The following PARD3B variants were observed in gnomAD, a reference collection of about 807,000 sequenced individuals.
The protein encoded by PARD3B is partitioning defective 3 homolog B.
PARD3B carries 103 observed loss-of-function variants against 130.2 expected under a neutral mutation model. The ratio of observed to expected loss-of-function variants is 0.79; its 90% confidence interval spans 0.67 to 0.93. The LOEUF is 0.93. PARD3B is among the 40% of genes least tolerant of loss of function. The pLI is 0.00. For synonymous variants in PARD3B, 583 were observed against 553.2 expected, an observed-to-expected ratio of 1.05 and a Z score of -0.76; for missense variants, 1,609 against 1,499.2, an observed-to-expected ratio of 1.07 and a Z score of -1.21.
chr2:204,619,189 A>G (rs1254820585), intron 1 of PARD3B, among the ~76,000 whole-genome samples: 1 of 152,150 alleles, frequency 6.6e-6, no homozygotes, highest in Non-Finnish European at 1.5e-5. Flanking sequence ...GAGAATGAAG[A>G]AGGTCAGCTT....
intron 22 of PARD3B, among the ~76,000 whole-genome samples, chr2:205,602,307 C>T (rs766700933): frequency 2.6e-5 from 4 of 152,206 alleles, no homozygotes; most frequent in South Asian, 2.1e-4. Flanking sequence ...TTTGCATTGA[C>T]GTTCATCAGG....
intron 16 of PARD3B, among the ~76,000 whole-genome samples, chr2:205,255,154 C>G (rs111856283): frequency 2.1e-4 from 32 of 151,864 alleles, no homozygotes; most frequent in African/African-American, 7.3e-4. Flanking sequence ...TGAAGACGCA[C>G]CTCCCAGGGA....
chr2:204,748,145 G>A (rs1381202052), intron 2 of PARD3B, among the ~76,000 whole-genome samples: 1 of 152,092 alleles, frequency 6.6e-6, no homozygotes, highest in Non-Finnish European at 1.5e-5. Context: ...TAATATGGTT[G>A]AGTACGGTTG....
At chr2:205,358,728 C>T (rs2044285618) in intron 18 of PARD3B, among the ~76,000 whole-genome samples, 1 of 152,232 alleles carries the variant, frequency 6.6e-6, no homozygotes, top group Non-Finnish European at 1.5e-5. Context: ...TTTCCCACCC[C>T]CGTCTTTTGA....
chr2:205,560,685 G>T (rs2106519811), intron 22 of PARD3B, among the ~76,000 whole-genome samples: 1 of 152,290 alleles, frequency 6.6e-6, no homozygotes, highest in South Asian at 2.1e-4. Flanking sequence ...TTCGCCTCCA[G>T]TCCTTGATGT....
At chr2:204,682,254 T>C (rs2036869066) in intron 1 of PARD3B, among the ~76,000 whole-genome samples, 2 of 152,182 alleles carry the variant, frequency 1.3e-5, no homozygotes, top group African/African-American at 4.8e-5. Flanking sequence ...TATTAAGTTA[T>C]TTAATAACAA....
At chr2:204,853,062 A>C in intron 2 of PARD3B, among the ~76,000 whole-genome samples, 1 of 152,266 alleles carries the variant, frequency 6.6e-6, no homozygotes, top group Non-Finnish European at 1.5e-5. Flanking sequence ...TTTGATAGAA[A>C]GTGTTTCTGT....
At chr2:205,247,655 G>A (rs1053617435) in intron 16 of PARD3B, among the ~76,000 whole-genome samples, 10 of 151,992 alleles carry the variant, frequency 6.6e-5, no homozygotes, top group African/African-American at 2.2e-4. Context: ...CTATTATAAC[G>A]TTATTACTAC....
At chr2:204,780,330 GTTA>G in intron 2 of PARD3B, among the ~76,000 whole-genome samples, 1 of 152,064 alleles carries the variant, frequency 6.6e-6, no homozygotes, top group Non-Finnish European at 1.5e-5. Flanking sequence ...AACAGTACTA[GTTA>G]TTATCTAAAA....
intron 1 of PARD3B, among the ~76,000 whole-genome samples, chr2:204,568,728 A>T (rs574179599): frequency 1.3e-5 from 2 of 152,146 alleles, no homozygotes; most frequent in African/African-American, 4.8e-5. Context: ...GCCCAGGTGG[A>T]TGGATCACTT....
In PARD3B at chr2:205,258,663, T is replaced by A. The variant is rs972243933; in HGVS notation, c.2185+12841T>A. On this transcript the variant is annotated intron_variant, in intron 16 of 22. Transcript: ENST00000406610. The surrounding 1 kb of genome is among the most constrained non-coding windows in gnomAD (Gnocchi z 4.9). Reference sequence around the variant, plus strand: ...CCTTTACGTAGTACTTGCTAAATCTTTTTTCTTGATACGTCTTTTTGCATA... The same window carrying A: ...CCTTTACGTAGTACTTGCTAAATCTATTTTCTTGATACGTCTTTTTGCATA... Among the ~76,000 whole-genome samples the A allele has an allele frequency of 6.6e-6, 1 of 152,174 alleles. No individual in the cohort carries two copies. The highest frequency in any genetic ancestry group is 2.4e-5 in the African/African-American group (1 of 41,436).
chr2:205,542,062 G>A (rs1459745637), intron 21 of PARD3B, among the ~76,000 whole-genome samples: 11 of 140,112 alleles, frequency 7.9e-5, no homozygotes, highest in African/African-American at 2.7e-4. Flanking sequence ...AGAATAGCTT[G>A]AACCCAGGAG....
At chr2:204,592,842 C>T (rs188861713) in intron 1 of PARD3B, among the ~76,000 whole-genome samples, 4 of 152,232 alleles carry the variant, frequency 2.6e-5, no homozygotes, top group Admixed American at 1.3e-4. Flanking sequence ...ATGAAGTTGC[C>T]CACTCTGGAC....
In PARD3B at chr2:205,525,984, G is replaced by A. The variant is rs184579022; in HGVS notation, c.3180+25953G>A. Among the ~76,000 whole-genome samples, 17 of 152,282 alleles carry A rather than the reference G, an allele frequency of 1.1e-4. No individual in the cohort carries two copies. The East Asian group carries it at 3.1e-3, about 28-fold the overall frequency. ...CTGCCCTTGCTTCTCGCAGGGTCTGGGGCTCCATGTCCTTATCAGTATCAG... is the reference window on the plus strand; with the variant it reads ...CTGCCCTTGCTTCTCGCAGGGTCTGAGGCTCCATGTCCTTATCAGTATCAG... On this transcript the variant is annotated intron_variant, in intron 21 of 22. Transcript: ENST00000406610. This position sits in a 1 kb window ranked among gnomAD's most constrained non-coding sequence, Gnocchi z 4.2.
Position 205,528,791 on chromosome 2 carries a change from A to G in PARD3B, c.3181-24533A>G, listed in dbSNP as rs138795466. On this transcript the variant is annotated intron_variant, in intron 21 of 22. Coordinates refer to ENST00000406610, the MANE Select transcript of PARD3B (RefSeq NM_001302769.2). ...AGGCGTGAGCCACCGTGCCTGGCCAACACAATCTTAAATACTCAACAAGCT... is the reference window on the plus strand; with the variant it reads ...AGGCGTGAGCCACCGTGCCTGGCCAGCACAATCTTAAATACTCAACAAGCT... Among the ~76,000 whole-genome samples the G allele has an allele frequency of 2.6e-5, 4 of 152,256 alleles. No individual in the cohort carries two copies. In the East Asian group the frequency reaches 5.8e-4, roughly 22 times the overall value.
At chr2:204,690,953 C>T (rs1055614233) in intron 2 of PARD3B, among the ~76,000 whole-genome samples, 5 of 152,156 alleles carry the variant, frequency 3.3e-5, no homozygotes, top group Non-Finnish European at 7.4e-5. Context: ...TGAGCCTTCA[C>T]TCTTTGAGAC....
At chr2:205,403,873 C>T (rs577849024) in intron 19 of PARD3B, among the ~76,000 whole-genome samples, 1 of 152,288 alleles carries the variant, frequency 6.6e-6, no homozygotes, top group South Asian at 2.1e-4. Flanking sequence ...CCTTGTTCTT[C>T]ATGTACCTTC....
chr2:204,997,770 A>G (rs1694353209), intron 3 of PARD3B, among the ~76,000 whole-genome samples: 1 of 151,546 alleles, frequency 6.6e-6, no homozygotes. Context: ...GTGATAGCTG[A>G]TTTTGTTCAT....
intron 15 of PARD3B, among the ~76,000 whole-genome samples, chr2:205,217,725 TACATATAC>T (rs1454745008): frequency 1.3e-5 from 2 of 150,464 alleles, no homozygotes; most frequent in East Asian, 3.9e-4. Flanking sequence ...TATACACACA[TACATATAC>T]ACATATATGT....
Sources: allele counts gnomAD v4.1 joint callset (sites outside exome capture counted in the v4.1 genomes callset), GRCh38; gene constraint gnomAD v4.1.1; non-coding constraint Gnocchi (gnomAD v3.1); transcripts MANE v1.5; gene names NCBI Gene and HGNC (gene_info 2026-07-23, HGNC 2026-07-21).